SBF2: variants seen among roughly 807,000 people sequenced by gnomAD.
SBF2 encodes myotubularin-related protein 13.
Under a neutral mutation model 225.2 loss-of-function variants are expected in SBF2, and 112 were observed. That is an observed-to-expected ratio of 0.50 (90% CI 0.43 to 0.58). The LOEUF (loss-of-function observed/expected upper bound fraction) is 0.58, where lower values mean the gene tolerates loss of function less well. Among genes scored for constraint, SBF2 ranks in the 20% least tolerant of loss-of-function variants. SBF2 has a pLI of 0.00. For missense variants in SBF2, 1,996 were observed against 2,206.2 expected (o/e 0.90, Z 1.91); for synonymous variants, 763 against 773.3 (o/e 0.99, Z 0.22).
intron 13 of SBF2, among the ~76,000 whole-genome samples, chr11:9,969,513 C>T (rs1407427800): frequency 6.6e-6 from 1 of 152,162 alleles, no homozygotes; most frequent in East Asian, 1.9e-4. Context: ...GCCATGATTT[C>T]TTTCATTTTT....
intron 2 of SBF2, among the ~76,000 whole-genome samples, chr11:10,057,795 G>A (rs962025417): frequency 2.0e-5 from 3 of 152,180 alleles, no homozygotes; most frequent in East Asian, 1.9e-4. Context: ...CTACAACTGT[G>A]AGGAAACATA....
intron 22 of SBF2, among the ~76,000 whole-genome samples, chr11:9,847,723 A>G (rs1394772128): frequency 6.6e-6 from 1 of 152,182 alleles, no homozygotes; most frequent in Admixed American, 6.5e-5. Flanking sequence ...GAAAATATAA[A>G]TAATTATTTA....
At chr11:10,051,405 A>G (rs947044910) in intron 2 of SBF2, among the ~76,000 whole-genome samples, 1 of 152,276 alleles carries the variant, frequency 6.6e-6, no homozygotes, top group Admixed American at 6.5e-5. Context: ...GTGATTAAAA[A>G]AGTATTACCC....
At chr11:10,139,666 G>C (rs536362352) in intron 2 of SBF2, among the ~76,000 whole-genome samples, 1 of 152,254 alleles carries the variant, frequency 6.6e-6, no homozygotes, top group East Asian at 1.9e-4. Context: ...TTCAATCTTA[G>C]CTATTTGCTT....
At chr11:10,117,419 C>T (rs991593554) in intron 2 of SBF2, among the ~76,000 whole-genome samples, 8 of 125,250 alleles carry the variant, frequency 6.4e-5, no homozygotes, top group East Asian at 2.4e-4. Flanking sequence ...CCAGCCTGGG[C>T]GACAGAGTGA....
intron 25 of SBF2, among the ~76,000 whole-genome samples, chr11:9,841,628 G>T (rs1856157642): frequency 6.6e-6 from 1 of 151,776 alleles, no homozygotes; most frequent in African/African-American, 2.4e-5. Context: ...CTCCTCCCAA[G>T]TTCAAGCAAT....
intron 2 of SBF2, among the ~76,000 whole-genome samples, chr11:10,068,253 A>G (rs1950709893): frequency 6.6e-6 from 1 of 152,318 alleles, no homozygotes; most frequent in East Asian, 1.9e-4. Context: ...AAAATAAATC[A>G]TAGGCAATTG....
intron 39 of SBF2, chr11:9,780,956 C>A (rs1462377491): frequency 3.4e-6 from 1 of 296,912 alleles, no homozygotes; most frequent in Admixed American, 4.7e-5. Context: ...TGGAAGCCCA[C>A]TGTCAGGAAA....
At chr11:9,987,396 T>C (rs1201974122) in intron 13 of SBF2, among the ~76,000 whole-genome samples, 2 of 152,136 alleles carry the variant, frequency 1.3e-5, no homozygotes, top group Non-Finnish European at 2.9e-5. Context: ...CTTTTCAACA[T>C]AGTACTGGAA....
intron 13 of SBF2, among the ~76,000 whole-genome samples, chr11:9,974,050 C>T (rs1226505095): frequency 6.6e-6 from 1 of 152,054 alleles, no homozygotes; most frequent in Admixed American, 6.5e-5. Flanking sequence ...TAAACATTGT[C>T]AAAACGTAAC....
At chr11:9,863,135 T>G (rs1319688492) in intron 17 of SBF2, among the ~76,000 whole-genome samples, 3 of 152,208 alleles carry the variant, frequency 2.0e-5, no homozygotes, top group Admixed American at 6.5e-5. Flanking sequence ...TGCCATTCAT[T>G]TTCCACAAAG....
intron 2 of SBF2, among the ~76,000 whole-genome samples, chr11:10,153,410 A>G (rs1955314255): frequency 1.3e-5 from 2 of 152,168 alleles, no homozygotes; most frequent in South Asian, 4.1e-4. Context: ...CAATATTAGG[A>G]ACACAATTCT....
chr11:10,013,218 A>G (rs1948521876), intron 6 of SBF2, among the ~76,000 whole-genome samples: 4 of 152,144 alleles, frequency 2.6e-5, no homozygotes, highest in South Asian at 4.2e-4. Context: ...CAGGCATCTG[A>G]CGTTTTTCTC....
At chr11:9,835,885 G>A (rs1855708575) in intron 26 of SBF2, among the ~76,000 whole-genome samples, 1 of 151,796 alleles carries the variant, frequency 6.6e-6, no homozygotes, top group Non-Finnish European at 1.5e-5. Context: ...GTAGTTTCTA[G>A]TTTTTTTAAT....
rs1333998146 is a variant in SBF2, at chr11:9,817,759, AAAAAAAAAC to A, written c.3794-744_3794-736del. On this transcript the variant is annotated intron_variant, in intron 28 of 39. Transcript: ENST00000256190. ...GTCTCTACCAAAAAAAAAAAAAAAA[AAAAAAAAAC>A]TACAAAAAGACACCTGTATTGGGAG... Among the ~76,000 whole-genome samples the A allele has an allele frequency of 1.4e-3, 205 of 146,248 alleles. 1 individual carries two copies. The highest frequency in any genetic ancestry group is 4.8e-3 in the African/African-American group (192 of 39,650).
intron 1 of SBF2, among the ~76,000 whole-genome samples, chr11:10,236,770 G>T (rs1327033608): frequency 1.3e-5 from 2 of 152,130 alleles, no homozygotes; most frequent in Non-Finnish European, 2.9e-5. Flanking sequence ...ACTCGAGTCT[G>T]TCTCTTAAAA....
intron 16 of SBF2, among the ~76,000 whole-genome samples, chr11:9,915,938 C>T (rs1055540070): frequency 6.6e-6 from 1 of 152,076 alleles, no homozygotes; most frequent in Admixed American, 6.5e-5. Context: ...GTGGTGTGCA[C>T]CTGTAACCCC....
At position 9,842,718 on chromosome 11, in the gene SBF2, T is replaced by C. The variant is rs142891020; in HGVS notation, c.3163A>G (p.Ile1055Val). ...KGAKRAGKMT[I>V]GRQYLLKKKT... Reference sequence around the variant, plus strand: ...TTCTTCAGTAAATATTGCCGCCCAATTGTCATTTTCCCTGCCCTTTTGGCA... The same window carrying C: ...TTCTTCAGTAAATATTGCCGCCCAACTGTCATTTTCCCTGCCCTTTTGGCA... The change falls in exon 25 of 40, where the codon ATT (isoleucine) becomes GTT (valine). Residue 1055 changes from isoleucine (I) to valine (V), a missense_variant. Ile to Val is a conservative substitution (Grantham distance 29). Coordinates refer to ENST00000256190, the MANE Select transcript of SBF2 (RefSeq NM_030962.4). 44 of 1,614,072 alleles carry C rather than the reference T, an allele frequency of 2.7e-5. No homozygotes were observed. Among genetic ancestry groups the C allele is most frequent in the Middle Eastern group, 1.6e-4 (1 of 6,082 alleles).
intron 2 of SBF2, among the ~76,000 whole-genome samples, chr11:10,054,509 A>G (rs1950182499): frequency 6.6e-6 from 1 of 152,212 alleles, no homozygotes; most frequent in Admixed American, 6.5e-5. Flanking sequence ...TAAAAATTTC[A>G]TGACTAAGGC....
Sources: gnomAD v4.1 joint callset for allele counts (sites outside exome capture counted in the v4.1 genomes callset) on GRCh38, gnomAD v4.1.1 for gene constraint, MANE v1.5 for transcripts, NCBI Gene and HGNC (gene_info 2026-07-23, HGNC 2026-07-21) for gene names.